FAT1: variants seen among roughly 807,000 people sequenced by gnomAD.
FAT1 encodes protocadherin Fat 1.
A neutral mutation model predicts 329.8 loss-of-function variants in FAT1; 171 were observed. That is an observed-to-expected ratio of 0.52 (90% CI 0.46 to 0.59). The LOEUF is 0.59. FAT1 is among the 20% of genes least tolerant of loss of function. The probability of loss-of-function intolerance (pLI) is 0.00; values close to 1 mark genes in which losing one functional copy is unlikely to be tolerated. For missense variants in FAT1, 5,672 were observed against 5,774.4 expected, an observed-to-expected ratio of 0.98 and a Z score of 0.57; for synonymous variants, 2,233 against 2,228.6, an observed-to-expected ratio of 1.00 and a Z score of -0.06.
In FAT1 at chr4:186,619,977, G is replaced by A. The variant is rs35389971; in HGVS notation, c.6609C>T (p.His2203=). The A allele has an allele frequency of 0.027, 43,863 of 1,613,946 alleles. 697 individuals carry two copies. Among genetic ancestry groups the A allele is most frequent in the Middle Eastern group, 0.032 (194 of 6,060 alleles). ...GGCCTTCCGGGCTGTTAGCCTGCACGTGGACCACAGGGCTGTGCACCTGGA... is the reference window on the plus strand; with the variant it reads ...GGCCTTCCGGGCTGTTAGCCTGCACATGGACCACAGGGCTGTGCACCTGGA... The part of the protein sequence containing the change: ...ESIQVHSPVV[H]VQANSPEGLK... Residue 2203 remains histidine, a synonymous_variant, in exon 10 of 27, where the codon CAC becomes CAT. Transcript: ENST00000441802.
intron 2 of FAT1, among the ~76,000 whole-genome samples, chr4:186,691,288 GTGCAGATTCATCTCTAACACCAAAAGAAA>G (rs1258617310): frequency 6.6e-6 from 1 of 152,162 alleles, no homozygotes; most frequent in African/African-American, 2.4e-5. Flanking sequence ...GGTGCCTCTA[GTGCAGATTCATCTCTAACACCAAAAGAAA>G]CAATTTAAGA....
chr4:186,713,593 G>A (rs931430067), intron 1 of FAT1, among the ~76,000 whole-genome samples: 3 of 152,032 alleles, frequency 2.0e-5, no homozygotes, highest in Admixed American at 6.5e-5. Flanking sequence ...AGAGAGTTTC[G>A]CTACTCAAAA....
intron 3 of FAT1, among the ~76,000 whole-genome samples, chr4:186,652,067 C>G (rs1166695538): frequency 1.3e-5 from 2 of 152,160 alleles, no homozygotes; most frequent in Non-Finnish European, 2.9e-5. Flanking sequence ...AACGACTAGT[C>G]TAAAGTCACA....
chr4:186,595,621 C>T lies in FAT1; in HGVS notation c.13138+68G>A, dbSNP rs574164474. On this transcript the variant is annotated intron_variant, in intron 26 of 26. Transcript: ENST00000441802. Reference sequence around the variant, plus strand: ...GCTTTAAGGGTAGATAGTGCGTCTACATTGTGAGATAACACAGTAACACAA... The same window carrying T: ...GCTTTAAGGGTAGATAGTGCGTCTATATTGTGAGATAACACAGTAACACAA... 3.5e-5 allele frequency: 55 copies of T among 1,573,592 alleles called. No individual in the cohort carries two copies. The East Asian group carries it at 1.2e-3, about 34-fold the overall frequency.
chr4:186,614,449 A>ATTGAGCATTTAACAGTCT, intron 11 of FAT1, 105 bp from the exon 12 acceptor site: 3 of 719,336 alleles, frequency 4.2e-6, no homozygotes, highest in Non-Finnish European at 6.2e-6. Context: ...CACAGAAAAC[A>ATTGAGCATTTAACAGTCT]TGGGAAATGA....
At chr4:186,607,755 CTGGATGGATGAA>C (rs1739220207) in intron 16 of FAT1, among the ~76,000 whole-genome samples, 2 of 150,614 alleles carry the variant, frequency 1.3e-5, no homozygotes, top group African/African-American at 2.4e-5. Flanking sequence ...GGATGGATAA[CTGGATGGATGAA>C]TGGATGGATG....
intron 3 of FAT1, 73 bp downstream of exon 3, chr4:186,663,226 T>C (rs1457120675): frequency 8.1e-6 from 9 of 1,117,994 alleles, no homozygotes; most frequent in East Asian, 2.6e-5. Flanking sequence ...AACAGATAAA[T>C]GCTAATTCTT....
chr4:186,641,285 T>C (rs934126323), intron 3 of FAT1, among the ~76,000 whole-genome samples: 2 of 152,240 alleles, frequency 1.3e-5, no homozygotes, highest in African/African-American at 4.8e-5. Flanking sequence ...TAGGTATAGA[T>C]TAAAAGGTGC....
In FAT1 at chr4:186,707,151, A is replaced by C. The variant is rs1744666498; in HGVS notation, c.2677T>G (p.Leu893Val). ...GCTTGGTCCCTGGCCTCAATCTTTA[A>C]GGAGTGCTCATGCTGCAGCTCTCGA... ...LDRELQHEHSLKIEARDQARE... is the reference protein window; with the variant it reads ...LDRELQHEHSVKIEARDQARE... Residue 893 changes from leucine (L) to valine (V), a missense_variant, in exon 2 of 27, where the codon TTA (leucine) becomes GTA (valine). By Grantham distance (32) the Leu-to-Val change is conservative. Transcript: ENST00000441802. 6.2e-7 allele frequency: 1 copy of C among 1,613,938 alleles called. No individual in the cohort carries two copies. The highest frequency in any genetic ancestry group is 8.5e-7 in the Non-Finnish European group (1 of 1,179,886).
At chr4:186,713,560 C>G (rs1482512112) in intron 1 of FAT1, among the ~76,000 whole-genome samples, 1 of 152,150 alleles carries the variant, frequency 6.6e-6, no homozygotes, top group Non-Finnish European at 1.5e-5. Context: ...GAAGTCACTG[C>G]ATGTAGCCCA....
At chr4:186,647,960 A>T (rs757901322) in intron 3 of FAT1, among the ~76,000 whole-genome samples, 4 of 152,212 alleles carry the variant, frequency 2.6e-5, no homozygotes, top group Non-Finnish European at 4.4e-5. Flanking sequence ...AAACACCTGT[A>T]ATACACTCAT....
rs2126509181 is a variant in FAT1 at position 186,619,794 on chromosome 4, A to G, written c.6792T>C (p.His2264=). The change falls in exon 10 of 27, where the codon CAT becomes CAC. Residue 2264 remains histidine (H), a synonymous_variant. Coordinates refer to ENST00000441802, the MANE Select transcript of FAT1 (RefSeq NM_005245.4). ...CTATGATGTCCACAAATACTTCAGC[A>G]TGAGCGCCCGTCAAGGAGTCAGTTG... The part of the protein sequence containing the change: ...IRATDSLTGA[H]AEVFVDIIVD... 1 of 1,614,020 alleles carries G rather than the reference A, an allele frequency of 6.2e-7. No individual in the cohort carries two copies. Among genetic ancestry groups the G allele is most frequent in the South Asian group, 1.1e-5 (1 of 91,088 alleles).
chr4:186,633,785 T>G lies in FAT1; in HGVS notation c.4222A>C (p.Thr1408Pro). The change falls in exon 7 of 27, where the codon ACT becomes CCT. Residue 1408 changes from threonine (T) to proline (P), a missense_variant. Thr to Pro is a conservative substitution (Grantham distance 38, BLOSUM62 -1). Coordinates refer to ENST00000441802, the MANE Select transcript of FAT1 (RefSeq NM_005245.4). Reference protein sequence around the residue: ...YDSHFDVDKGTGTIIVAKPLD... With the variant: ...YDSHFDVDKGPGTIIVAKPLD... ...GGTTTGGCAACAATGATGGTTCCAGTTCCCTTGTCCACATCGAAGTGACTG... is the reference window on the plus strand; with the variant it reads ...GGTTTGGCAACAATGATGGTTCCAGGTCCCTTGTCCACATCGAAGTGACTG... 3 of 1,614,002 alleles carry G rather than the reference T, an allele frequency of 1.9e-6. No homozygotes were observed. Among genetic ancestry groups the G allele is most frequent in the Non-Finnish European group, 2.5e-6 (3 of 1,179,872 alleles).
At position 186,620,404 on chromosome 4, in the gene FAT1, G is replaced by C. The variant is rs1346281548; in HGVS notation, c.6182C>G (p.Ala2061Gly). The C allele has an allele frequency of 6.2e-7, 1 of 1,614,026 alleles. No homozygotes were observed. Among genetic ancestry groups the C allele is most frequent in the Admixed American group, 1.7e-5 (1 of 60,028 alleles). Residue 2061 changes from alanine (A) to glycine (G), a missense_variant, in exon 10 of 27, where the codon GCA (alanine) becomes GGA (glycine). Coordinates refer to ENST00000441802, the MANE Select transcript of FAT1 (RefSeq NM_005245.4). Reference protein sequence around the residue: ...VEVTEEHKPSAVAHVVVKVIV... With the variant: ...VEVTEEHKPSGVAHVVVKVIV... ...GACCTTCACGACAACGTGGGCCACT[G>C]CAGAAGGCTTATGTTCCTCTGTCAC...
intron 2 of FAT1, among the ~76,000 whole-genome samples, chr4:186,702,107 G>C (rs1744358478): frequency 6.6e-6 from 1 of 152,096 alleles, no homozygotes; most frequent in South Asian, 2.1e-4. Flanking sequence ...ATGAGGCCAG[G>C]AGCCGGCCTC....
intron 1 of FAT1, among the ~76,000 whole-genome samples, chr4:186,722,289 C>T (rs963702237): frequency 6.6e-6 from 1 of 152,230 alleles, no homozygotes; most frequent in Admixed American, 6.5e-5. Flanking sequence ...CTAACAACCA[C>T]ACTTCTTTCC....
intron 2 of FAT1, among the ~76,000 whole-genome samples, chr4:186,664,798 T>C (rs167853): frequency 0.12 from 18,500 of 152,198 alleles, 1,661 homozygotes; most frequent in African/African-American, 0.25. Flanking sequence ...TTCTACACCA[T>C]GGTACAGGCT....
intron 2 of FAT1, among the ~76,000 whole-genome samples, chr4:186,688,198 A>G (rs1321471669): frequency 1.3e-5 from 2 of 151,898 alleles, no homozygotes; most frequent in African/African-American, 4.8e-5. Context: ...TCTAAAGCTA[A>G]GCAGATGCCC....
At position 186,706,731 on chromosome 4, in the gene FAT1, C is replaced by A. The variant is rs752785176; in HGVS notation, c.3097G>T (p.Val1033Leu). 6.2e-7 allele frequency: 1 copy of A among 1,613,952 alleles called. No homozygotes were observed. Among genetic ancestry groups the A allele is most frequent in the Non-Finnish European group, 8.5e-7 (1 of 1,179,892 alleles). The part of the protein sequence containing the change: ...VDVNENLHPP[V>L]FSSFVEKGTV... ...CCCTTTTCCACAAAGCTGGAAAACA[C>A]GGGTGGGTGCAGGTTCTCATTCACA... The change falls in exon 2 of 27, where the codon GTG (valine) becomes TTG (leucine). Residue 1033 changes from valine (V) to leucine (L), a missense_variant. Coordinates refer to ENST00000441802, the MANE Select transcript of FAT1 (RefSeq NM_005245.4).
Sources: gnomAD v4.1 joint callset for allele counts (sites outside exome capture counted in the v4.1 genomes callset) on GRCh38, gnomAD v4.1.1 for gene constraint, MANE v1.5 for transcripts, NCBI Gene and HGNC (gene_info 2026-07-23, HGNC 2026-07-21) for gene names.